Variants in NYAP2 observed in about 807,000 individuals in gnomAD.
NYAP2 encodes the protein neuronal tyrosine-phosphorylated phosphoinositide-3-kinase adaptor 2.
A neutral mutation model predicts 50.4 loss-of-function variants in NYAP2; 23 were observed. The ratio of observed to expected loss-of-function variants is 0.46; its 90% CI spans 0.33 to 0.65. NYAP2 has a LOEUF of 0.65. NYAP2 is among the 30% of genes least tolerant of loss of function. NYAP2 has a pLI of 0.02. For missense variants in NYAP2, 885 were observed against 861.0 expected (o/e 1.03, Z -0.35); for synonymous variants, 394 against 365.2 (o/e 1.08, Z -0.90).
the NYAP2 span, among the ~76,000 whole-genome samples, chr2:225,675,171 T>C: frequency 6.6e-6 from 1 of 152,118 alleles, no homozygotes; most frequent in Non-Finnish European, 1.5e-5. Flanking sequence ...GTTTAAAGTA[T>C]ACATGTCCAG....
chr2:225,399,475 T>C (rs1452154967), upstream of NYAP2, among the ~76,000 whole-genome samples: 1 of 152,054 alleles, frequency 6.6e-6, no homozygotes, highest in African/African-American at 2.4e-5. Flanking sequence ...ATTTTAACAA[T>C]GAGTCTATAG....
At chr2:225,550,774 A>G (rs1691660003) in intron 4 of NYAP2, among the ~76,000 whole-genome samples, 1 of 152,210 alleles carries the variant, frequency 6.6e-6, no homozygotes, top group South Asian at 2.1e-4. Context: ...GTCAAATAAT[A>G]AGAAATAAAG....
At chr2:225,592,333 C>T (rs1692521881) in intron 5 of NYAP2, among the ~76,000 whole-genome samples, 1 of 152,076 alleles carries the variant, frequency 6.6e-6, no homozygotes, top group Non-Finnish European at 1.5e-5. Flanking sequence ...AATCAAAAAC[C>T]CCAGCCAATG....
At chr2:225,620,461 G>GCGCATGCACACGCACA (rs1693078096) in intron 5 of NYAP2, among the ~76,000 whole-genome samples, 1 of 135,788 alleles carries the variant, frequency 7.4e-6, no homozygotes, top group African/African-American at 2.8e-5. Context: ...ACGCACACAC[G>GCGCATGCACACGCACA]CGCATGCACA....
At chr2:225,615,031 G>A (rs1692964190) in intron 5 of NYAP2, among the ~76,000 whole-genome samples, 1 of 152,140 alleles carries the variant, frequency 6.6e-6, no homozygotes, top group Non-Finnish European at 1.5e-5. Flanking sequence ...ATTCCAGCTG[G>A]CAGAAGAAAG....
intron 5 of NYAP2, among the ~76,000 whole-genome samples, chr2:225,612,306 A>T (rs1424678928): frequency 3.3e-5 from 5 of 151,644 alleles, no homozygotes; most frequent in Non-Finnish European, 5.9e-5. Flanking sequence ...AACATAAGTA[A>T]TCCTCCTTAA....
At chr2:225,488,767 C>T (rs1423762648) in intron 3 of NYAP2, among the ~76,000 whole-genome samples, 1 of 152,208 alleles carries the variant, frequency 6.6e-6, no homozygotes, top group East Asian at 1.9e-4. Context: ...CCTTTGGCTT[C>T]TCTCTAAGAG....
chr2:225,621,322 T>G (rs1014650753), intron 5 of NYAP2, among the ~76,000 whole-genome samples: 1 of 152,246 alleles, frequency 6.6e-6, no homozygotes, highest in Non-Finnish European at 1.5e-5. Context: ...GGTTAAATTA[T>G]CTTTAATTAT....
chr2:225,649,299 T>C (rs1046836161), intron 6 of NYAP2, among the ~76,000 whole-genome samples: 1 of 152,216 alleles, frequency 6.6e-6, no homozygotes, highest in South Asian at 2.1e-4. Flanking sequence ...CAATACATTC[T>C]GAAATGCTTT....
chr2:225,612,796 G>GGACATCACACCCACTGTGTGTGAT (rs1559229869), intron 5 of NYAP2, among the ~76,000 whole-genome samples: 2 of 124,388 alleles, frequency 1.6e-5, no homozygotes, highest in African/African-American at 2.9e-5. Context: ...CCCCACCTTT[G>GGACATCACACCCACTGTGTGTGAT]GACATCACAC....
chr2:225,405,745 G>C (rs1259017705), intron 2 of NYAP2, among the ~76,000 whole-genome samples: 2 of 151,842 alleles, frequency 1.3e-5, no homozygotes, highest in East Asian at 1.9e-4. Flanking sequence ...TGAGTTTCGT[G>C]GTCCATATGT....
At chr2:225,606,375 C>T (rs1375440296) in intron 5 of NYAP2, among the ~76,000 whole-genome samples, 1 of 152,266 alleles carries the variant, frequency 6.6e-6, no homozygotes, top group African/African-American at 2.4e-5. Flanking sequence ...CCAACAACAT[C>T]TAGGCCATTT....
At chr2:225,411,156 T>C (rs181374508) in intron 3 of NYAP2, among the ~76,000 whole-genome samples, 1 of 152,148 alleles carries the variant, frequency 6.6e-6, no homozygotes, top group East Asian at 1.9e-4. Context: ...GTCCTAACTG[T>C]TGAGAGATAA....
chr2:225,483,545 T>C (rs1391644908), intron 3 of NYAP2, among the ~76,000 whole-genome samples: 1 of 152,136 alleles, frequency 6.6e-6, no homozygotes, highest in Non-Finnish European at 1.5e-5. Flanking sequence ...TTTGCAATTA[T>C]CACAAGAGCA....
intron 4 of NYAP2, among the ~76,000 whole-genome samples, chr2:225,534,535 C>T (rs1006488838): frequency 1.3e-5 from 2 of 152,000 alleles, no homozygotes; most frequent in African/African-American, 4.8e-5. Context: ...CATAAACTGG[C>T]TAGTATGTTG....
At chr2:225,558,967 C>G (rs1050958490) in intron 4 of NYAP2, among the ~76,000 whole-genome samples, 42 of 152,070 alleles carry the variant, frequency 2.8e-4, no homozygotes, top group African/African-American at 9.9e-4. Flanking sequence ...AGCTTGTTTA[C>G]TTTGGGTAAC....
chr2:225,422,873 A>T (rs139919012), intron 3 of NYAP2, among the ~76,000 whole-genome samples: 7 of 152,268 alleles, frequency 4.6e-5, no homozygotes, highest in African/African-American at 1.7e-4. Flanking sequence ...TTAATGATAG[A>T]TACTATGACT....
At chr2:225,454,542 T>C (rs1336978532) in intron 3 of NYAP2, among the ~76,000 whole-genome samples, 1 of 152,120 alleles carries the variant, frequency 6.6e-6, no homozygotes, top group African/African-American at 2.4e-5. Context: ...CAGAAGCTGT[T>C]AATATCTTAC....
At chr2:225,441,486 C>A (rs1689469774) in intron 3 of NYAP2, among the ~76,000 whole-genome samples, 1 of 152,192 alleles carries the variant, frequency 6.6e-6, no homozygotes, top group Non-Finnish European at 1.5e-5. Flanking sequence ...AAAGATACTA[C>A]ATGAGACTGG....
Sources: allele counts gnomAD v4.1 joint callset (sites outside exome capture counted in the v4.1 genomes callset), GRCh38; gene constraint gnomAD v4.1.1; transcripts MANE v1.5; gene names NCBI Gene and HGNC (gene_info 2026-07-23, HGNC 2026-07-21).